CDKAL1: variants seen among roughly 807,000 people sequenced by gnomAD.
The protein encoded by CDKAL1 is threonylcarbamoyladenosine tRNA methylthiotransferase.
In CDKAL1, 32 loss-of-function variants were observed where a neutral mutation model predicts 68.2. The observed-to-expected ratio is 0.47, with a 90% CI of 0.35 to 0.63. The LOEUF (loss-of-function observed/expected upper bound fraction) is 0.63. Among genes scored for constraint, CDKAL1 ranks in the 30% least tolerant of loss-of-function variants. The pLI is 0.00. For synonymous variants in CDKAL1, 234 were observed against 244.3 expected, an observed-to-expected ratio of 0.96 and a Z score of 0.39; for missense variants, 606 against 696.7, an observed-to-expected ratio of 0.87 and a Z score of 1.47.
intron 9 of CDKAL1, among the ~76,000 whole-genome samples, chr6:20,890,124 T>C (rs770079074): frequency 3.3e-5 from 5 of 152,178 alleles, no homozygotes; most frequent in Admixed American, 6.5e-5. Flanking sequence ...AAAAAAATAA[T>C]CCTGAGCTTC....
At chr6:21,091,925 C>T (rs1317675004) in intron 12 of CDKAL1, among the ~76,000 whole-genome samples, 6 of 117,364 alleles carry the variant, frequency 5.1e-5, no homozygotes, top group Admixed American at 1.2e-4. Context: ...CTCGCTGTGT[C>T]GCCCAGGCTG....
chr6:20,980,786 C>G (rs1766104350), intron 10 of CDKAL1, among the ~76,000 whole-genome samples: 1 of 152,068 alleles, frequency 6.6e-6, no homozygotes, highest in Non-Finnish European at 1.5e-5. Context: ...CAACATCAAG[C>G]CTTCACCACA....
intron 4 of CDKAL1, among the ~76,000 whole-genome samples, chr6:20,583,908 G>A (rs777400006): frequency 2.6e-5 from 4 of 151,568 alleles, no homozygotes; most frequent in East Asian, 1.9e-4. Context: ...GATTTAATAA[G>A]CATAAATTTA....
At chr6:21,109,099 A>T (rs920790680) in intron 13 of CDKAL1, among the ~76,000 whole-genome samples, 2 of 152,234 alleles carry the variant, frequency 1.3e-5, no homozygotes, top group African/African-American at 4.8e-5. Flanking sequence ...TATATTTGTA[A>T]AAGATAAGCA....
At chr6:20,807,306 C>A (rs1292928254) in intron 8 of CDKAL1, among the ~76,000 whole-genome samples, 2 of 152,164 alleles carry the variant, frequency 1.3e-5, no homozygotes, top group African/African-American at 2.4e-5. Flanking sequence ...TCACTGCAAC[C>A]TCCACCTTCT....
intron 5 of CDKAL1, among the ~76,000 whole-genome samples, chr6:20,733,626 G>A (rs1773056633): frequency 6.6e-6 from 1 of 152,126 alleles, no homozygotes; most frequent in African/African-American, 2.4e-5. Context: ...GTTTTGATTG[G>A]CCAACACAGC....
intron 15 of CDKAL1, among the ~76,000 whole-genome samples, chr6:21,206,639 A>G (rs1161494567): frequency 1.3e-5 from 2 of 152,192 alleles, no homozygotes; most frequent in Non-Finnish European, 2.9e-5. Context: ...TGCTTTAAAG[A>G]AAGAAGTAGA....
intron 11 of CDKAL1, among the ~76,000 whole-genome samples, chr6:21,056,330 T>C (rs1363301526): frequency 6.6e-6 from 1 of 152,122 alleles, no homozygotes; most frequent in Non-Finnish European, 1.5e-5. Context: ...TGCTTGTCTA[T>C]TGTTGGTATA....
chr6:20,563,918 T>C (rs1308594168), intron 4 of CDKAL1, among the ~76,000 whole-genome samples: 2 of 152,202 alleles, frequency 1.3e-5, no homozygotes, highest in African/African-American at 4.8e-5. Context: ...TATCTAAGCT[T>C]AATGAATTAA....
chr6:21,035,923 G>T (rs1769557775), intron 11 of CDKAL1, among the ~76,000 whole-genome samples: 1 of 152,126 alleles, frequency 6.6e-6, no homozygotes, highest in Non-Finnish European at 1.5e-5. Context: ...TCTTTTATCA[G>T]ATCAATCACT....
chr6:21,108,414 CAA>C lies in CDKAL1; in HGVS notation c.1253_1254del (p.Lys418ArgfsTer13), dbSNP rs1381211315. The C allele has an allele frequency of 2.3e-5, 37 of 1,604,510 alleles. No individual in the cohort carries two copies. Among genetic ancestry groups the C allele is most frequent in the Non-Finnish European group, 3.1e-5 (36 of 1,176,936 alleles). On this transcript the variant is annotated frameshift_variant, in exon 13 of 16. Transcript: ENST00000274695. LOFTEE classifies it high-confidence loss of function. ...TTTTTTTCACAGAAAAAGCAAAGGA[CAA>C]AAGATCTTTCTCGGGTGTTTCATTC...
intron 11 of CDKAL1, among the ~76,000 whole-genome samples, chr6:21,022,281 AAACAT>A (rs1768708763): frequency 6.6e-6 from 1 of 152,230 alleles, no homozygotes; most frequent in South Asian, 2.1e-4. Context: ...ATAAATAAAT[AAACAT>A]AACATTTGTC....
At chr6:21,079,976 C>CTCTGTGTGTGTGTGTGTGTGTGTG (rs1554171489) in intron 12 of CDKAL1, among the ~76,000 whole-genome samples, 72 of 135,840 alleles carry the variant, frequency 5.3e-4, no homozygotes, top group African/African-American at 1.8e-3. Flanking sequence ...AACTTTGTCT[C>CTCTGTGTGTGTGTGTGTGTGTGTG]TGTGTGTGTG....
intron 5 of CDKAL1, among the ~76,000 whole-genome samples, chr6:20,662,357 C>T (rs1769324191): frequency 6.6e-6 from 1 of 152,000 alleles, no homozygotes; most frequent in Non-Finnish European, 1.5e-5. Context: ...TGCTATGATC[C>T]TGGGAAATTG....
chr6:20,991,436 G>A (rs371439238), intron 10 of CDKAL1, among the ~76,000 whole-genome samples: 5 of 151,926 alleles, frequency 3.3e-5, no homozygotes, highest in East Asian at 1.9e-4. Context: ...GCCTGGGCAC[G>A]GTGGCTAATG....
chr6:21,002,302 A>G (rs933061157), intron 11 of CDKAL1, among the ~76,000 whole-genome samples: 2 of 152,140 alleles, frequency 1.3e-5, no homozygotes, highest in African/African-American at 2.4e-5. Context: ...AGAACCAACT[A>G]TGTTTCCCAG....
chr6:20,717,069 A>G (rs1473024030), intron 5 of CDKAL1, among the ~76,000 whole-genome samples: 1 of 152,140 alleles, frequency 6.6e-6, no homozygotes, highest in Non-Finnish European at 1.5e-5. Flanking sequence ...ATTTGTCAAT[A>G]GGGAACTGGT....
chr6:20,949,407 AAT>A (rs755369485), intron 9 of CDKAL1, among the ~76,000 whole-genome samples: 104 of 152,274 alleles, frequency 6.8e-4, no homozygotes, highest in Non-Finnish European at 1.1e-3. Flanking sequence ...TTTTGTGCAC[AAT>A]CTCTGTATGT....
At chr6:20,540,995 A>G (rs1476770087) in intron 2 of CDKAL1, among the ~76,000 whole-genome samples, 3 of 152,210 alleles carry the variant, frequency 2.0e-5, no homozygotes, top group Non-Finnish European at 4.4e-5. Flanking sequence ...AGTTGGAGAG[A>G]TGAGCAGAGG....
Sources: allele counts gnomAD v4.1 joint callset (sites outside exome capture counted in the v4.1 genomes callset), GRCh38; gene constraint gnomAD v4.1.1; transcripts MANE v1.5; gene names NCBI Gene and HGNC (gene_info 2026-07-23, HGNC 2026-07-21).